The following SLC19A1 variants were observed in gnomAD, a reference collection of about 807,000 sequenced individuals.
The protein encoded by SLC19A1 is reduced folate transporter.
SLC19A1 carries 37 observed loss-of-function variants against 35.3 expected under a neutral mutation model. The observed-to-expected ratio is 1.05, with a 90% CI of 0.81 to 1.38. The LOEUF (loss-of-function observed/expected upper bound fraction) is 1.38, where lower values mean the gene tolerates loss of function less well. Among genes scored for constraint, SLC19A1 ranks in the 40% most tolerant of loss-of-function variants. The pLI, the probability that SLC19A1 is intolerant of heterozygous loss-of-function variation, is 0.00. For missense variants in SLC19A1, 831 were observed against 826.9 expected (o/e 1.00, Z -0.06); for synonymous variants, 460 against 398.5 (o/e 1.15, Z -1.84).
intron 1 of SLC19A1, among the ~76,000 whole-genome samples, chr21:45,552,548 C>T (rs943018518): frequency 4.6e-5 from 7 of 152,192 alleles, no homozygotes; most frequent in Non-Finnish European, 8.8e-5. Flanking sequence ...GCCCGGGTCT[C>T]GGGACCACGT....
rs114493947 is a variant in SLC19A1, at chr21:45,534,492, G to A, written c.190-2344C>T. The stretch of plus-strand genomic sequence containing the variant: ...CAGAGAGGCTCTCCCCAGACCCCAC[G>A]GCTCTCTGGAAAAGGGCGGCCAGGG... On this transcript the variant is annotated intron_variant, in intron 2 of 5. Transcript: ENST00000311124. The surrounding 1 kb of genome is among the most constrained non-coding windows in gnomAD (Gnocchi z 4.2). 7.4e-4 allele frequency: 1,044 copies of A among 1,411,966 alleles called. 4 individuals are homozygous for A. In the African/African-American group the frequency reaches 0.013, roughly 17 times the overall value. 87.5% of individuals were successfully genotyped at this position (1,411,966 alleles called of 1,614,324 possible).
chr21:45,515,853 C>CAGCACGTCCGCGG lies in SLC19A1; in HGVS notation c.1580_1581insCCGCGGACGTGCT (p.Gln527HisfsTer13). 1 of 1,596,994 alleles carries CAGCACGTCCGCGG rather than the reference C, an allele frequency of 6.3e-7. No homozygotes were observed. ...ATTCAGCTGCCTGCGGGGCCGGGGC[C>CAGCACGTCCGCGG]TGGGCCAGGTATGGGTCGCTCTGTC... On this transcript the variant is annotated frameshift_variant, in exon 6 of 6. Coordinates refer to ENST00000311124, the MANE Select transcript of SLC19A1 (RefSeq NM_194255.4). LOFTEE classifies it low-confidence loss of function (END_TRUNC).
In SLC19A1 at chr21:45,537,616, C is replaced by CCCGCA. The variant is rs2078162733; in HGVS notation, c.189+154_189+155insTGCGG. ...CCCCGCCCACCCACAGGCAGCCGCC[C>CCCGCA]TGGCACCCAGCGCCCACGTGCCTAT... On this transcript the variant is annotated intron_variant, in intron 2 of 5. Transcript: ENST00000311124. Among the ~76,000 whole-genome samples the CCCGCA allele has an allele frequency of 1.8e-4, 13 of 71,228 alleles. 2 individuals are homozygous for CCCGCA. Among genetic ancestry groups the CCCGCA allele is most frequent in the African/African-American group, 3.0e-4 (7 of 23,498 alleles). The allele number at this position is 71,228 out of a possible 152,430, so 46.7% of individuals were successfully genotyped here.
chr21:45,528,946 A>G (rs1197875455), intron 4 of SLC19A1, among the ~76,000 whole-genome samples: 1 of 152,252 alleles, frequency 6.6e-6, no homozygotes, highest in Non-Finnish European at 1.5e-5. Context: ...GATGGGCATC[A>G]ATGACTTTAT....
chr21:45,517,359 A>AC lies in SLC19A1; in HGVS notation c.1294-1220dup, dbSNP rs1274876158. On this transcript the variant is annotated intron_variant, in intron 5 of 5. Coordinates refer to ENST00000311124, the MANE Select transcript of SLC19A1 (RefSeq NM_194255.4). The surrounding 1 kb of genome is among the most constrained non-coding windows in gnomAD (Gnocchi z 4.4). Reference sequence around the variant, plus strand: ...GGCTCCACCCACCATGTCAGCAAGGACCCCCCACCCTCGCCAGCCTGTAAC... The same window carrying AC: ...GGCTCCACCCACCATGTCAGCAAGGACCCCCCCACCCTCGCCAGCCTGTAAC... Among the ~76,000 whole-genome samples, 2 of 150,760 alleles carry AC rather than the reference A, an allele frequency of 1.3e-5. No individual in the cohort carries two copies. The highest frequency in any genetic ancestry group is 3.0e-5 in the Non-Finnish European group (2 of 67,644).
In SLC19A1 at chr21:45,533,369, C is replaced by T. The variant is rs981377126; in HGVS notation, c.190-1221G>A. On this transcript the variant is annotated intron_variant, in intron 2 of 5. Coordinates refer to ENST00000311124, the MANE Select transcript of SLC19A1 (RefSeq NM_194255.4). This position sits in a 1 kb window ranked among gnomAD's most constrained non-coding sequence, Gnocchi z 4.5. ...CAGACTACTACAGGCAGGCACCAAA[C>T]GTCCTCAGCTGTCTTGGCAGGGGCC... Among the ~76,000 whole-genome samples the T allele has an allele frequency of 1.3e-5, 2 of 152,172 alleles. No homozygotes were observed. Among genetic ancestry groups the T allele is most frequent in the Non-Finnish European group, 2.9e-5 (2 of 68,002 alleles).
At chr21:45,561,540 C>G (rs1024271397) in intron 1 of SLC19A1, among the ~76,000 whole-genome samples, 1 of 152,122 alleles carries the variant, frequency 6.6e-6, no homozygotes, top group Non-Finnish European at 1.5e-5. Context: ...GTGGGCAGAT[C>G]ACCTGAGGTT....
chr21:45,515,856 G>A lies in SLC19A1; in HGVS notation c.1578C>T (p.Ala526=), dbSNP rs770272611. 5.6e-6 allele frequency: 9 copies of A among 1,594,464 alleles called. No individual in the cohort carries two copies. In the African/African-American group the frequency reaches 1.2e-4, roughly 21 times the overall value. ...LEQRQSDPYL[A]QAPAPQAAEF... ...CAGCTGCCTGCGGGGCCGGGGCCTG[G>A]GCCAGGTATGGGTCGCTCTGTCTCT... Residue 526 remains alanine, a synonymous_variant, in exon 6 of 6, where the codon GCC becomes GCT. Coordinates refer to ENST00000311124, the MANE Select transcript of SLC19A1 (RefSeq NM_194255.4).
upstream of SLC19A1, among the ~76,000 whole-genome samples, chr21:45,545,987 C>T (rs1014294203): frequency 1.3e-5 from 2 of 152,236 alleles, no homozygotes; most frequent in Non-Finnish European, 2.9e-5. Flanking sequence ...GGCCTTCGCC[C>T]CCACTTTTTC....
chr21:45,535,763 G>A (rs1210408149), intron 2 of SLC19A1, among the ~76,000 whole-genome samples: 1 of 152,256 alleles, frequency 6.6e-6, no homozygotes, highest in Non-Finnish European at 1.5e-5. Context: ...CAGCAAAGCA[G>A]CAGATAAGCA....
At chr21:45,504,107 TGGGTGGCTGCTCCCAA>T (rs2037036245) in intron 3 of SLC19A1, 10 of 1,586,396 alleles carry the variant, frequency 6.3e-6, no homozygotes, top group Non-Finnish European at 8.7e-6. Context: ...TACATCCCGC[TGGGTGGCTGCTCCCAA>T]TTTCTCGCCC....
In SLC19A1 at chr21:45,515,380, C is replaced by T; in HGVS notation, c.*278G>A. 7.0e-7 allele frequency: 1 copy of T among 1,437,222 alleles called. No homozygotes were observed. The highest frequency in any genetic ancestry group is 9.1e-7 in the Non-Finnish European group (1 of 1,104,314). 89.0% of individuals were successfully genotyped at this position (1,437,222 alleles called of 1,614,324 possible). A position where few individuals can be genotyped will look rare whatever the true frequency, so the allele number is the denominator to read the frequency against. On this transcript the variant is annotated 3_prime_UTR_variant, in exon 6 of 6. Transcript: ENST00000311124. The stretch of plus-strand genomic sequence containing the variant: ...CTCAAGCCCCCCAAGGGGCATGAGC[C>T]AGTGAGGCCTGGTGGACGCAGAAGC...
intron 1 of SLC19A1, among the ~76,000 whole-genome samples, chr21:45,552,498 C>T (rs1279742912): frequency 2.0e-5 from 3 of 152,142 alleles, no homozygotes; most frequent in East Asian, 3.9e-4. Flanking sequence ...AGGCCAGGAC[C>T]GCAGCCCTCG....
Position 45,505,272 on chromosome 21 carries a change from A to G in SLC19A1, c.498-6660T>C, listed in dbSNP as rs1208643659. The G allele has an allele frequency of 5.6e-6, 9 of 1,606,768 alleles. No individual in the cohort carries two copies. Among genetic ancestry groups the G allele is most frequent in the Non-Finnish European group, 7.7e-6 (9 of 1,175,882 alleles). On this transcript the variant is annotated intron_variant, in intron 3 of 4. Coordinates refer to the SLC19A1 transcript ENST00000417954. Reference sequence around the variant, plus strand: ...GCCCCCTTCATTTCCTGGCCCTCACAGGCAGAGTAAGTCAGTGGGGAGTGG... The same window carrying G: ...GCCCCCTTCATTTCCTGGCCCTCACGGGCAGAGTAAGTCAGTGGGGAGTGG...
intron 3 of SLC19A1, chr21:45,504,676 C>G (rs923459407): frequency 8.3e-6 from 7 of 841,590 alleles, no homozygotes; most frequent in Non-Finnish European, 1.3e-5. Flanking sequence ...GCAAGCTCAG[C>G]AGCCCCGACA....
chr21:45,537,738 A>G, intron 2 of SLC19A1, 33 bp downstream of exon 2: 5 of 60,538 alleles, frequency 8.3e-5, no homozygotes, highest in Non-Finnish European at 1.5e-4. Flanking sequence ...ACCCACCCAC[A>G]GGCGGCCGCC....
chr21:45,506,985 TGCAGCCC>T, intron 3 of SLC19A1: 1 of 279,488 alleles, frequency 3.6e-6, no homozygotes, highest in South Asian at 3.4e-5. Flanking sequence ...GGCACCCGGA[TGCAGCCC>T]CATCCTAACT....
intron 1 of SLC19A1, among the ~76,000 whole-genome samples, chr21:45,553,623 ATCCCCCCGCGCCCCCCTCCT>A (rs2078490025): frequency 1.4e-5 from 1 of 72,778 alleles, no homozygotes. Context: ...CTCACCCCCA[ATCCCCCCGCGCCCCCCTCCT>A]AGTCCCCCCG....
At chr21:45,538,537 C>G (rs2078207963) in intron 1 of SLC19A1, among the ~76,000 whole-genome samples, 1 of 152,166 alleles carries the variant, frequency 6.6e-6, no homozygotes, top group Non-Finnish European at 1.5e-5. Context: ...TGGCCAGCGG[C>G]GGGTGGCTGC....
Sources: gnomAD v4.1 joint callset for allele counts (sites outside exome capture counted in the v4.1 genomes callset) on GRCh38, gnomAD v4.1.1 for gene constraint, Gnocchi (gnomAD v3.1) non-coding constraint, MANE v1.5 for transcripts, NCBI Gene and HGNC (gene_info 2026-07-23, HGNC 2026-07-21) for gene names.